The following NXPE2 variants were observed in gnomAD, a reference collection of about 807,000 sequenced individuals.
NXPE2 encodes the protein NXPE family member 2.
A neutral mutation model predicts 34.4 loss-of-function variants in NXPE2; 34 were observed. The observed-to-expected ratio is 0.99, with a 90% CI of 0.75 to 1.31. The LOEUF (loss-of-function observed/expected upper bound fraction) is 1.31. Among genes scored for constraint, NXPE2 ranks in the 40% most tolerant of loss-of-function variants. NXPE2 has a pLI of 0.00. For synonymous variants in NXPE2, 235 were observed against 231.3 expected, an observed-to-expected ratio of 1.02 and a Z score of -0.15; for missense variants, 649 against 672.5, an observed-to-expected ratio of 0.97 and a Z score of 0.39.
chr11:114,609,617 T>C, the NXPE2 span, among the ~76,000 whole-genome samples: 4 of 136,312 alleles, frequency 2.9e-5, no homozygotes, highest in Non-Finnish European at 6.4e-5. Flanking sequence ...TGGGTAGGCA[T>C]GCTTACCCGA....
At chr11:114,682,164 C>G (rs1950960815) in intron 2 of NXPE2, among the ~76,000 whole-genome samples, 1 of 152,150 alleles carries the variant, frequency 6.6e-6, no homozygotes. Context: ...CAATCTATAA[C>G]ATTTTCATCC....
At position 114,687,088 on chromosome 11, in the gene NXPE2, G is replaced by T. The variant is rs1407482696; in HGVS notation, c.132+7326G>T. 3.3e-5 allele frequency among the ~76,000 whole-genome samples: 5 copies of T among 151,874 alleles called. No homozygotes were observed. The South Asian group carries it at 8.3e-4, about 25-fold the overall frequency. On this transcript the variant is annotated intron_variant, in intron 2 of 5. Coordinates refer to ENST00000389586, the MANE Select transcript of NXPE2 (RefSeq NM_182495.6). ...TGTCTGTTTGTTCTGTTGATAGTTT[G>T]TTTTGCTGTGGAGAAGCTCTTTAGC... is the stretch of plus-strand genomic sequence containing the variant.
At chr11:114,641,781 A>G in the NXPE2 span, among the ~76,000 whole-genome samples, 1 of 152,214 alleles carries the variant, frequency 6.6e-6, no homozygotes, top group South Asian at 2.1e-4. Context: ...AAAAGAAAAT[A>G]CAGAAGCGAT....
the NXPE2 span, among the ~76,000 whole-genome samples, chr11:114,633,353 T>G: frequency 1.4e-5 from 2 of 142,918 alleles, no homozygotes; most frequent in African/African-American, 5.1e-5. Flanking sequence ...TATGATTATA[T>G]TATATATACT....
chr11:114,623,141 C>T, the NXPE2 span, among the ~76,000 whole-genome samples: 1 of 152,010 alleles, frequency 6.6e-6, no homozygotes, highest in Non-Finnish European at 1.5e-5. Context: ...ATAAGTGTTG[C>T]CTTGTGGGTA....
the NXPE2 span, among the ~76,000 whole-genome samples, chr11:114,804,749 TTAACAAAGTTTAA>T: frequency 2.0e-5 from 3 of 152,182 alleles, no homozygotes; most frequent in Non-Finnish European, 4.4e-5. Flanking sequence ...TCTTCCTTCT[TTAACAAAGTTTAA>T]TATTGTTGTG....
At chr11:114,790,779 G>T in the NXPE2 span, among the ~76,000 whole-genome samples, 21,014 of 151,710 alleles carry the variant, frequency 0.14, 1,529 homozygotes, top group Admixed American at 0.2. Context: ...AATCATTGGG[G>T]TTGATTTATG....
the NXPE2 span, among the ~76,000 whole-genome samples, chr11:114,637,180 G>A: frequency 1.3e-5 from 2 of 151,838 alleles, no homozygotes; most frequent in Admixed American, 1.3e-4. Context: ...AGGATAGTTA[G>A]CTCTTCTTGT....
At chr11:114,510,666 T>A in the NXPE2 span, among the ~76,000 whole-genome samples, 3 of 152,168 alleles carry the variant, frequency 2.0e-5, no homozygotes, top group Non-Finnish European at 4.4e-5. Context: ...CCAACAGGAA[T>A]ACATGAATAA....
the NXPE2 span, among the ~76,000 whole-genome samples, chr11:114,653,107 G>A: frequency 1.3e-5 from 2 of 152,054 alleles, no homozygotes; most frequent in South Asian, 4.2e-4. Context: ...CAAAACAAGG[G>A]TTTTCTAAGA....
At chr11:114,696,596 C>T (rs1250542753) in intron 2 of NXPE2, among the ~76,000 whole-genome samples, 1 of 152,000 alleles carries the variant, frequency 6.6e-6, no homozygotes, top group East Asian at 1.9e-4. Flanking sequence ...TACATAACAA[C>T]CAATACATGT....
At chr11:114,768,680 A>G in the NXPE2 span, among the ~76,000 whole-genome samples, 1 of 152,128 alleles carries the variant, frequency 6.6e-6, no homozygotes, top group Admixed American at 6.5e-5. Flanking sequence ...GCAATTGTGA[A>G]TGGGAGTTCA....
At chr11:114,487,758 G>A in the NXPE2 span, among the ~76,000 whole-genome samples, 2 of 151,960 alleles carry the variant, frequency 1.3e-5, no homozygotes, top group African/African-American at 2.4e-5. Flanking sequence ...TGCTTTTTCA[G>A]CATTAATTGA....
At chr11:114,628,478 C>A in the NXPE2 span, among the ~76,000 whole-genome samples, 2 of 151,942 alleles carry the variant, frequency 1.3e-5, no homozygotes, top group African/African-American at 2.4e-5. Context: ...CCAATGAGAA[C>A]AAAGACACAA....
chr11:114,745,446 G>A, the NXPE2 span, among the ~76,000 whole-genome samples: 2 of 152,188 alleles, frequency 1.3e-5, no homozygotes. Flanking sequence ...CTGCAAAAAT[G>A]TATCAAGCCA....
chr11:114,811,159 G>C, the NXPE2 span, among the ~76,000 whole-genome samples: 1 of 134,926 alleles, frequency 7.4e-6, no homozygotes, highest in African/African-American at 2.8e-5. Flanking sequence ...CACAGGAAGG[G>C]GAACATCACA....
At chr11:114,581,802 A>G in the NXPE2 span, 1 of 1,580,214 alleles carries the variant, frequency 6.3e-7, no homozygotes, top group Non-Finnish European at 8.7e-7. Context: ...AGACACAAAT[A>G]CAGAAATTAA....
chr11:114,802,123 C>T, the NXPE2 span, among the ~76,000 whole-genome samples: 12 of 152,204 alleles, frequency 7.9e-5, no homozygotes, highest in South Asian at 2.1e-4. Context: ...TAGAAGAGGA[C>T]GATCCTGGAA....
At chr11:114,565,076 C>A in the NXPE2 span, among the ~76,000 whole-genome samples, 8 of 152,228 alleles carry the variant, frequency 5.3e-5, no homozygotes, top group African/African-American at 1.9e-4. Context: ...AACAGTACAG[C>A]GAATAACAGA....
Sources: gnomAD v4.1 joint callset for allele counts (sites outside exome capture counted in the v4.1 genomes callset) on GRCh38, gnomAD v4.1.1 for gene constraint, MANE v1.5 for transcripts, NCBI Gene and HGNC (gene_info 2026-07-23, HGNC 2026-07-21) for gene names.